NTM: variants seen among roughly 807,000 people sequenced by gnomAD.
NTM encodes the protein IgLON family member 2.
NTM carries 13 observed loss-of-function variants against 42.1 expected under a neutral mutation model. The observed-to-expected ratio is 0.31, with a 90% CI of 0.20 to 0.49. NTM has a LOEUF of 0.49. NTM is among the 20% of genes least tolerant of loss of function. NTM has a pLI of 0.99. For synonymous variants in NTM, 187 were observed against 179.2 expected, an observed-to-expected ratio of 1.04 and a Z score of -0.35; for missense variants, 373 against 452.8, an observed-to-expected ratio of 0.82 and a Z score of 1.60.
chr11:131,726,925 G>A (rs528132074), intron 1 of NTM, among the ~76,000 whole-genome samples: 1 of 151,340 alleles, frequency 6.6e-6, no homozygotes, highest in South Asian at 2.1e-4. Context: ...CTGGGCTCAA[G>A]CACTTCTCCC....
At chr11:131,952,253 A>G (rs1487708352) in intron 2 of NTM, among the ~76,000 whole-genome samples, 1 of 152,128 alleles carries the variant, frequency 6.6e-6, no homozygotes, top group Non-Finnish European at 1.5e-5. Context: ...ATAATTTCTA[A>G]CTGTATTACT....
At chr11:131,847,097 A>G (rs1456748936) in intron 1 of NTM, among the ~76,000 whole-genome samples, 1 of 152,108 alleles carries the variant, frequency 6.6e-6, no homozygotes, top group African/African-American at 2.4e-5. Flanking sequence ...TCTTTCATTT[A>G]GTTGTAGGGA....
At chr11:132,014,876 G>A (rs1303562868) in intron 2 of NTM, among the ~76,000 whole-genome samples, 1 of 150,950 alleles carries the variant, frequency 6.6e-6, no homozygotes, top group African/African-American at 2.4e-5. Flanking sequence ...CTTTGGTAGT[G>A]CAGAAGCTTT....
At chr11:131,763,021 G>A (rs553838938) in intron 1 of NTM, among the ~76,000 whole-genome samples, 14 of 152,276 alleles carry the variant, frequency 9.2e-5, no homozygotes, top group African/African-American at 2.2e-4. Flanking sequence ...GGAGACAGGC[G>A]GATTCAGGGT....
At chr11:131,930,307 A>G (rs1284664022) in intron 2 of NTM, among the ~76,000 whole-genome samples, 3 of 152,164 alleles carry the variant, frequency 2.0e-5, no homozygotes, top group Non-Finnish European at 4.4e-5. Flanking sequence ...CAGAGGAAGA[A>G]TGCAGGGTAC....
At chr11:131,651,871 A>T (rs894148553) in intron 1 of NTM, among the ~76,000 whole-genome samples, 9 of 151,876 alleles carry the variant, frequency 5.9e-5, no homozygotes, top group South Asian at 4.2e-4. Flanking sequence ...GAAAAAAAAA[A>T]ATATCATAAA....
intron 1 of NTM, among the ~76,000 whole-genome samples, chr11:131,476,478 G>T (rs1952953653): frequency 6.6e-6 from 1 of 152,148 alleles, no homozygotes; most frequent in Non-Finnish European, 1.5e-5. Context: ...AAGAGAGGTG[G>T]CATGGTGCTC....
intron 4 of NTM, among the ~76,000 whole-genome samples, chr11:132,222,967 T>C (rs2085472488): frequency 6.6e-6 from 1 of 152,156 alleles, no homozygotes; most frequent in Admixed American, 6.5e-5. Context: ...TTGACTGTGG[T>C]TGAAGATATC....
intron 1 of NTM, among the ~76,000 whole-genome samples, chr11:131,394,228 C>A (rs1380191330): frequency 6.6e-6 from 1 of 152,172 alleles, no homozygotes; most frequent in East Asian, 1.9e-4. Flanking sequence ...TTCTTTCTTT[C>A]TTTTTCCCCT....
chr11:132,299,974 C>T (rs2094782537), intron 4 of NTM, among the ~76,000 whole-genome samples: 1 of 151,972 alleles, frequency 6.6e-6, no homozygotes, highest in Admixed American at 6.6e-5. Flanking sequence ...AAACCAGAGA[C>T]ATTTTTTAAG....
chr11:131,714,431 T>C (rs1021829309), intron 1 of NTM, among the ~76,000 whole-genome samples: 1 of 152,138 alleles, frequency 6.6e-6, no homozygotes, highest in African/African-American at 2.4e-5. Flanking sequence ...CTTCAGGTGA[T>C]ACACCCACCT....
At chr11:131,376,819 C>T (rs1942035545) in intron 1 of NTM, among the ~76,000 whole-genome samples, 1 of 152,172 alleles carries the variant, frequency 6.6e-6, no homozygotes, top group Non-Finnish European at 1.5e-5. Context: ...CCACCAAACT[C>T]TCACCCTAAC....
In NTM at chr11:131,575,556, T is replaced by C. The variant is rs368007695; in HGVS notation, c.82+204668T>C. Among the ~76,000 whole-genome samples the C allele has an allele frequency of 1.5e-4, 23 of 152,350 alleles. 1 individual carries two copies. The South Asian group carries it at 4.8e-3, about 32-fold the overall frequency. On this transcript the variant is annotated intron_variant, in intron 1 of 8. Transcript: ENST00000683400. ...TAGTTAATGAAATTAGGGTGTTTTCTTGTTAGATCGCTATAACTTTTAGAG... is the reference window on the plus strand; with the variant it reads ...TAGTTAATGAAATTAGGGTGTTTTCCTGTTAGATCGCTATAACTTTTAGAG...
At chr11:131,460,305 CAT>C (rs111376181) in intron 1 of NTM, among the ~76,000 whole-genome samples, 9,252 of 152,168 alleles carry the variant, frequency 0.061, 654 homozygotes, top group East Asian at 0.21. Flanking sequence ...ACTTGGTTCT[CAT>C]TTATTTTGAA....
At chr11:131,662,014 C>T (rs2068160976) in intron 1 of NTM, 1 of 152,180 alleles carries the variant, frequency 6.6e-6, no homozygotes, top group Admixed American at 6.5e-5. Flanking sequence ...GGGAAAAAGA[C>T]AAAAACCATT....
chr11:131,802,460 C>T (rs11222799), intron 1 of NTM, among the ~76,000 whole-genome samples: 5,635 of 152,330 alleles, frequency 0.037, 163 homozygotes, highest in South Asian at 0.095. Flanking sequence ...GGGCTGCCTT[C>T]AGGTAGGAGG....
chr11:131,546,820 T>G (rs955388539), intron 1 of NTM: 1 of 152,274 alleles, frequency 6.6e-6, no homozygotes, highest in Non-Finnish European at 1.5e-5. Flanking sequence ...CCCGGAAAAC[T>G]CTTCCTCTTT....
intron 1 of NTM, among the ~76,000 whole-genome samples, chr11:131,741,367 G>C (rs2081186907): frequency 1.3e-5 from 2 of 152,140 alleles, no homozygotes; most frequent in Non-Finnish European, 2.9e-5. Context: ...TCATCACTGG[G>C]GGTCTGAGTG....
intron 1 of NTM, among the ~76,000 whole-genome samples, chr11:131,558,868 A>G (rs928816521): frequency 6.6e-6 from 1 of 152,200 alleles, no homozygotes; most frequent in Non-Finnish European, 1.5e-5. Flanking sequence ...GATTGATTTC[A>G]GGTTTCTTAT....
Sources: gnomAD v4.1 joint callset for allele counts (sites outside exome capture counted in the v4.1 genomes callset) on GRCh38, gnomAD v4.1.1 for gene constraint, MANE v1.5 for transcripts, NCBI Gene and HGNC (gene_info 2026-07-23, HGNC 2026-07-21) for gene names.